Variants in SEMA3E observed in about 807,000 individuals in gnomAD.
SEMA3E encodes semaphorin 3E, also known as semaphorin-3E.
In SEMA3E, 49 loss-of-function variants were observed where a neutral mutation model predicts 93.6. That is an observed-to-expected ratio of 0.52 (90% CI 0.42 to 0.66). SEMA3E has a LOEUF of 0.66. Among genes scored for constraint, SEMA3E ranks in the 30% least tolerant of loss-of-function variants. The probability of loss-of-function intolerance (pLI) is 0.00; values close to 1 mark genes in which losing one functional copy is unlikely to be tolerated. For missense variants in SEMA3E, 906 were observed against 964.8 expected, an observed-to-expected ratio of 0.94 and a Z score of 0.81; for synonymous variants, 363 against 330.7, an observed-to-expected ratio of 1.10 and a Z score of -1.06.
intron 1 of SEMA3E, among the ~76,000 whole-genome samples, chr7:83,589,968 G>A (rs1792722008): frequency 6.6e-6 from 1 of 152,090 alleles, no homozygotes; most frequent in African/African-American, 2.4e-5. Flanking sequence ...TTGAGAAATG[G>A]CTTCCTCAGA....
chr7:83,615,666 A>T (rs1366307373), intron 1 of SEMA3E, among the ~76,000 whole-genome samples: 14 of 152,112 alleles, frequency 9.2e-5, no homozygotes, highest in Admixed American at 9.2e-4. Flanking sequence ...GTTGGAAGGG[A>T]TTTGCACCTA....
intron 5 of SEMA3E, among the ~76,000 whole-genome samples, chr7:83,415,986 C>A (rs955125423): frequency 6.6e-6 from 1 of 152,002 alleles, no homozygotes; most frequent in Non-Finnish European, 1.5e-5. Context: ...CCGAGCTTGC[C>A]AAATTCCAAC....
chr7:83,467,754 C>T (rs879069435), intron 3 of SEMA3E, among the ~76,000 whole-genome samples: 2 of 152,202 alleles, frequency 1.3e-5, no homozygotes, highest in Admixed American at 1.3e-4. Context: ...TGGTATTCAA[C>T]TCTAAGCTTC....
At position 83,648,570 on chromosome 7, in the gene SEMA3E, G is replaced by A; in HGVS notation, c.-28C>T. 2 of 1,548,772 alleles carry A rather than the reference G, an allele frequency of 1.3e-6. No homozygotes were observed. Among genetic ancestry groups the A allele is most frequent in the Non-Finnish European group, 1.8e-6 (2 of 1,121,732 alleles). The stretch of plus-strand genomic sequence containing the variant: ...TGCCGTGTTCACCGTCCAAGCCCTC[G>A]CTCCTCACTTTAAGGAGGGTCTGAG... On this transcript the variant is annotated 5_prime_UTR_variant, in exon 1 of 17. Coordinates refer to ENST00000643230, the MANE Select transcript of SEMA3E (RefSeq NM_012431.3).
intron 11 of SEMA3E, among the ~76,000 whole-genome samples, chr7:83,397,100 C>T (rs558768491): frequency 7.2e-4 from 108 of 150,474 alleles, no homozygotes; most frequent in Non-Finnish European, 1.1e-3. Flanking sequence ...AAAAAAGTAG[C>T]GACTATAAAT....
At chr7:83,395,033 CTGTT>C (rs779189706) in intron 12 of SEMA3E, among the ~76,000 whole-genome samples, 43 of 152,284 alleles carry the variant, frequency 2.8e-4, no homozygotes, top group African/African-American at 4.6e-4. Context: ...CTTTGAAAAG[CTGTT>C]TGTTAAGAGG....
chr7:83,560,287 T>G (rs1247193507), intron 1 of SEMA3E, among the ~76,000 whole-genome samples: 1 of 152,038 alleles, frequency 6.6e-6, no homozygotes, highest in Non-Finnish European at 1.5e-5. Context: ...GTGAAGAATA[T>G]TGATAAGACG....
intron 16 of SEMA3E, among the ~76,000 whole-genome samples, chr7:83,378,843 T>G (rs2116907177): frequency 6.6e-6 from 1 of 151,950 alleles, no homozygotes; most frequent in East Asian, 1.9e-4. Context: ...TATAGAGATT[T>G]CTCAAAGAAC....
chr7:83,420,811 C>G (rs982716081), intron 4 of SEMA3E, among the ~76,000 whole-genome samples: 1 of 152,158 alleles, frequency 6.6e-6, no homozygotes, highest in Non-Finnish European at 1.5e-5. Context: ...TTGCCATATA[C>G]AAAAATTAAC....
chr7:83,641,833 G>C (rs74483644), intron 1 of SEMA3E, among the ~76,000 whole-genome samples: 3,529 of 152,230 alleles, frequency 0.023, 130 homozygotes, highest in African/African-American at 0.081. Flanking sequence ...CTGATTTACT[G>C]AGTAATTTAT....
chr7:83,490,626 A>C (rs532627784), intron 1 of SEMA3E, among the ~76,000 whole-genome samples: 2 of 152,166 alleles, frequency 1.3e-5, no homozygotes, highest in South Asian at 4.1e-4. Context: ...GAGTGTGTTT[A>C]TTAAATTCCA....
intron 4 of SEMA3E, among the ~76,000 whole-genome samples, chr7:83,448,004 A>G (rs1384832528): frequency 1.3e-5 from 2 of 152,254 alleles, no homozygotes; most frequent in African/African-American, 2.4e-5. Context: ...CAAAATATCT[A>G]TAACAATGTG....
intron 14 of SEMA3E, among the ~76,000 whole-genome samples, chr7:83,389,594 C>T (rs547009751): frequency 1.5e-4 from 23 of 150,878 alleles, no homozygotes; most frequent in Admixed American, 2.6e-4. Context: ...TATACATACA[C>T]ACATATATAC....
intron 16 of SEMA3E, among the ~76,000 whole-genome samples, chr7:83,382,646 T>C (rs890076581): frequency 1.3e-5 from 2 of 151,472 alleles, no homozygotes; most frequent in African/African-American, 4.8e-5. Context: ...TAATTTACAT[T>C]TATAATTCTT....
chr7:83,371,959 T>C (rs898182096), intron 16 of SEMA3E: 1 of 257,806 alleles, frequency 3.9e-6, no homozygotes, highest in Non-Finnish European at 7.3e-6. Context: ...TATATTTCTT[T>C]TCAAATTATT....
At chr7:83,507,794 A>T (rs777116590) in intron 1 of SEMA3E, among the ~76,000 whole-genome samples, 4 of 152,050 alleles carry the variant, frequency 2.6e-5, no homozygotes, top group Middle Eastern at 3.4e-3. Context: ...AAAATAAAAA[A>T]TAAAAAAAAT....
intron 1 of SEMA3E, among the ~76,000 whole-genome samples, chr7:83,499,980 G>C (rs1562808323): frequency 1.3e-5 from 2 of 152,212 alleles, no homozygotes. Flanking sequence ...GAAATGTGTG[G>C]CTTTACCCAA....
intron 16 of SEMA3E, among the ~76,000 whole-genome samples, chr7:83,378,344 T>A (rs1010686674): frequency 1.3e-5 from 2 of 151,932 alleles, no homozygotes; most frequent in Admixed American, 6.6e-5. Context: ...CTCTCCCACA[T>A]GTTCTTTATT....
chr7:83,368,619 T>G (rs1794709491), intron 16 of SEMA3E, among the ~76,000 whole-genome samples: 1 of 152,170 alleles, frequency 6.6e-6, no homozygotes, highest in Admixed American at 6.5e-5. Flanking sequence ...TAGGCTGTCC[T>G]TTACAAGAGA....
Sources: allele counts gnomAD v4.1 joint callset (sites outside exome capture counted in the v4.1 genomes callset), GRCh38; gene constraint gnomAD v4.1.1; transcripts MANE v1.5; gene names NCBI Gene and HGNC (gene_info 2026-07-23, HGNC 2026-07-21).